The following SCAPER variants were observed in gnomAD, a reference collection of about 807,000 sequenced individuals.
The protein encoded by SCAPER is S phase cyclin A-associated protein in the endoplasmic reticulum.
SCAPER carries 98 observed loss-of-function variants against 182.2 expected under a neutral mutation model. The observed-to-expected ratio is 0.54, with a 90% CI of 0.46 to 0.64. SCAPER has a LOEUF of 0.64. Among genes scored for constraint, SCAPER ranks in the 30% least tolerant of loss-of-function variants. The pLI, the probability that SCAPER is intolerant of heterozygous loss-of-function variation, is 0.00. For synonymous variants in SCAPER, 605 were observed against 564.6 expected (o/e 1.07, Z -1.01); for missense variants, 1,432 against 1,690.0 (o/e 0.85, Z 2.68).
intron 29 of SCAPER, among the ~76,000 whole-genome samples, chr15:76,361,823 C>T (rs556761482): frequency 2.6e-5 from 4 of 152,142 alleles, no homozygotes; most frequent in African/African-American, 4.8e-5. Flanking sequence ...AATCTGCTTC[C>T]ACATACCTAA....
rs764255941 is a variant in SCAPER at position 76,774,910 on chromosome 15, G to T, written c.980C>A (p.Ser327Tyr). ...VGDGTSNTIE[S>Y]HPKDSLHSCD... ...AGAGTGTAATGAGTCTTTGGGATGA[G>T]ATTCTATAGTATTAGAAGTTCCATC... Residue 327 changes from serine to tyrosine, a missense_variant, in exon 9 of 32, where the codon TCT becomes TAT. Ser to Tyr is a moderately radical substitution (Grantham distance 144). Around this residue, in one of 5 missense-constraint regions of SCAPER, gnomAD observed 480 missense variants for 510.2 expected, o/e 0.94. Transcript: ENST00000563290. The T allele has an allele frequency of 3.7e-6, 6 of 1,613,632 alleles. No homozygotes were observed. Among genetic ancestry groups the T allele is most frequent in the Non-Finnish European group, 5.1e-6 (6 of 1,179,684 alleles).
chr15:76,846,259 A>G (rs1172884803), intron 4 of SCAPER, among the ~76,000 whole-genome samples: 1 of 152,202 alleles, frequency 6.6e-6, no homozygotes, highest in African/African-American at 2.4e-5. Flanking sequence ...AACATTGGGG[A>G]AAATCTCCAG....
chr15:76,683,943 A>G (rs543322019), intron 20 of SCAPER, among the ~76,000 whole-genome samples: 34 of 152,276 alleles, frequency 2.2e-4, no homozygotes, highest in African/African-American at 8.2e-4. Context: ...TAAAAATTAA[A>G]AAGAATTTCA....
chr15:76,900,925 T>C (rs1251282463), intron 1 of SCAPER, among the ~76,000 whole-genome samples: 2 of 152,248 alleles, frequency 1.3e-5, no homozygotes, highest in African/African-American at 4.8e-5. Context: ...ACAAAGTCTG[T>C]CACCCATGTT....
intron 24 of SCAPER, among the ~76,000 whole-genome samples, chr15:76,473,550 G>C (rs2050372878): frequency 6.6e-6 from 1 of 152,098 alleles, no homozygotes; most frequent in Admixed American, 6.6e-5. Context: ...AAAATGTTTT[G>C]ATTTAGTCCC....
At chr15:76,722,558 G>A (rs1178624663) in intron 17 of SCAPER, among the ~76,000 whole-genome samples, 3 of 152,122 alleles carry the variant, frequency 2.0e-5, no homozygotes. Context: ...GTCTGGTCCT[G>A]GACTTTCTTT....
At chr15:76,378,371 A>ATT (rs2042710367) in intron 28 of SCAPER, among the ~76,000 whole-genome samples, 1 of 152,102 alleles carries the variant, frequency 6.6e-6, no homozygotes, top group Non-Finnish European at 1.5e-5. Context: ...TCCACTTAAA[A>ATT]TCTCTTTTCC....
chr15:76,859,914 C>T (rs1020264675), intron 3 of SCAPER, among the ~76,000 whole-genome samples: 9 of 152,092 alleles, frequency 5.9e-5, no homozygotes, highest in African/African-American at 2.2e-4. Flanking sequence ...CGAGGTTTCA[C>T]CATGTTGCCC....
chr15:76,738,989 A>G lies in SCAPER; in HGVS notation c.1867-5605T>C, dbSNP rs541959554. 8.5e-5 allele frequency among the ~76,000 whole-genome samples: 13 copies of G among 152,326 alleles called. No individual in the cohort carries two copies. The East Asian group carries it at 2.5e-3, about 29-fold the overall frequency. ...GCCCAATAAAGTGAAGCAGAATAAAACAATGCATGCCTGTACAGACATTTT... is the reference window on the plus strand; with the variant it reads ...GCCCAATAAAGTGAAGCAGAATAAAGCAATGCATGCCTGTACAGACATTTT... On this transcript the variant is annotated intron_variant, in intron 15 of 31. Coordinates refer to ENST00000563290, the MANE Select transcript of SCAPER (RefSeq NM_020843.4).
chr15:76,900,547 T>C lies in SCAPER; in HGVS notation c.-60+4752A>G, dbSNP rs2137310. Among the ~76,000 whole-genome samples, 1,376 of 152,206 alleles carry C rather than the reference T, an allele frequency of 9.0e-3. 21 individuals are homozygous for C. The highest frequency in any genetic ancestry group is 0.032 in the African/African-American group (1,336 of 41,518). Reference sequence around the variant, plus strand: ...AACAGGGAATGAACACTAGGTCTGGTTGAGCACAAAGTGTCTGAACAAGTT... The same window carrying C: ...AACAGGGAATGAACACTAGGTCTGGCTGAGCACAAAGTGTCTGAACAAGTT... On this transcript the variant is annotated intron_variant, in intron 1 of 31. Coordinates refer to ENST00000563290, the MANE Select transcript of SCAPER (RefSeq NM_020843.4).
At chr15:76,818,081 G>A (rs577827163) in intron 5 of SCAPER, among the ~76,000 whole-genome samples, 5 of 152,166 alleles carry the variant, frequency 3.3e-5, no homozygotes, top group Admixed American at 6.6e-5. Flanking sequence ...AGACAGGGTG[G>A]TACTAGGATA....
chr15:76,753,273 T>C (rs1027144580), intron 15 of SCAPER, among the ~76,000 whole-genome samples: 1 of 151,690 alleles, frequency 6.6e-6, no homozygotes, highest in African/African-American at 2.4e-5. Flanking sequence ...CGTAAAGAAA[T>C]GGAATGACCC....
At chr15:76,904,350 A>G (rs1205805274) in intron 1 of SCAPER, among the ~76,000 whole-genome samples, 1 of 152,364 alleles carries the variant, frequency 6.6e-6, no homozygotes, top group Non-Finnish European at 1.5e-5. Context: ...ATTAATCCAT[A>G]AACTAAGACA....
intron 11 of SCAPER, 62 bp from the exon 12 acceptor site, chr15:76,765,700 T>C (rs1458236524): frequency 2.3e-6 from 3 of 1,312,706 alleles, no homozygotes; most frequent in East Asian, 5.0e-5. Flanking sequence ...CTTTAGAAAA[T>C]GAACTATACA....
rs1490881649 is a variant in SCAPER at position 76,353,963 on chromosome 15, C to T, written c.4033G>A (p.Ala1345Thr). 6.4e-7 allele frequency: 1 copy of T among 1,573,202 alleles called. No homozygotes were observed. The highest frequency in any genetic ancestry group is 8.6e-7 in the Non-Finnish European group (1 of 1,165,152). The change falls in exon 30 of 32, where the codon GCC becomes ACC. Residue 1345 changes from alanine to threonine, a missense_variant. By Grantham distance (58) the Ala-to-Thr change is moderately conservative. This residue lies in a region of SCAPER where 718 missense variants were observed against 799.7 expected (regional missense o/e 0.90). Transcript: ENST00000563290. ...LEQEMSCVLL[A>T]TFIQDLAQTP... is the part of the protein sequence containing the mutation. ...GTAGAAGGTACCTGAATGAAAGTGG[C>T]CAGTAAAACACAGCTCATCTCTTGC...
intron 17 of SCAPER, among the ~76,000 whole-genome samples, chr15:76,720,707 C>CTT (rs2060181993): frequency 6.6e-6 from 1 of 152,084 alleles, no homozygotes; most frequent in South Asian, 2.1e-4. Context: ...TCATGTGGTT[C>CTT]TTGGCTGCAT....
intron 21 of SCAPER, among the ~76,000 whole-genome samples, chr15:76,637,125 C>A (rs1274961891): frequency 6.6e-6 from 1 of 152,046 alleles, no homozygotes; most frequent in African/African-American, 2.4e-5. Flanking sequence ...GAACATTTTT[C>A]TCCTCCTGAA....
intron 26 of SCAPER, among the ~76,000 whole-genome samples, chr15:76,417,450 G>A (rs970825537): frequency 6.6e-6 from 1 of 152,240 alleles, no homozygotes. Flanking sequence ...GGATCAATAG[G>A]TGCTGGAGGA....
At chr15:76,361,916 T>C (rs916849024) in intron 29 of SCAPER, among the ~76,000 whole-genome samples, 1 of 152,162 alleles carries the variant, frequency 6.6e-6, no homozygotes, top group Admixed American at 6.5e-5. Context: ...GCATAACTGG[T>C]TTAAGATGGA....
Sources: allele counts gnomAD v4.1 joint callset (sites outside exome capture counted in the v4.1 genomes callset), GRCh38; gene constraint gnomAD v4.1.1; regional missense constraint gnomAD v4.1.1; transcripts MANE v1.5; gene names NCBI Gene and HGNC (gene_info 2026-07-23, HGNC 2026-07-21).